IQCM: variants seen among roughly 807,000 people sequenced by gnomAD.
The protein encoded by IQCM is IQ motif containing M.
IQCM carries 45 observed loss-of-function variants against 57.6 expected under a neutral mutation model. The ratio of observed to expected loss-of-function variants is 0.78; its 90% CI spans 0.62 to 1.00. The LOEUF is 1.00. Among genes scored for constraint, IQCM ranks in the 50% least tolerant of loss-of-function variants. IQCM has a pLI of 0.00. For synonymous variants in IQCM, 148 were observed against 158.9 expected, an observed-to-expected ratio of 0.93 and a Z score of 0.51; for missense variants, 468 against 511.6, an observed-to-expected ratio of 0.91 and a Z score of 0.82.
rs1750362264 is a variant in IQCM, at chr4:149,563,820, T to C, written c.820A>G (p.Ile274Val). 1.6e-6 allele frequency: 2 copies of C among 1,231,656 alleles called. No individual in the cohort carries two copies. The highest frequency in any genetic ancestry group is 2.0e-6 in the Non-Finnish European group (2 of 987,674). 76.3% of individuals were successfully genotyped at this position (1,231,656 alleles called of 1,614,324 possible). Residue 274 changes from isoleucine to valine, a missense_variant, in exon 10 of 14, where the codon ATC becomes GTC. Physicochemically the swap from Ile to Val is conservative, Grantham distance 29. Transcript: ENST00000636793. ...TTTCTTTCTCGGAACACTTGGAAGA[T>C]TTCTATGTGTGGTCCAATTCTTTTA... ...KVKRIGPHIEIFQVFRERKKF... is the reference protein window; with the variant it reads ...KVKRIGPHIEVFQVFRERKKF...
chr4:149,396,851 A>G (rs144418118), intron 13 of IQCM, among the ~76,000 whole-genome samples: 8 of 152,124 alleles, frequency 5.3e-5, no homozygotes, highest in African/African-American at 1.4e-4. Flanking sequence ...TCAGCATAAT[A>G]TCTTCAAGGT....
intron 13 of IQCM, among the ~76,000 whole-genome samples, chr4:149,402,498 C>T (rs1446302120): frequency 1.3e-5 from 2 of 151,696 alleles, no homozygotes; most frequent in East Asian, 3.9e-4. Flanking sequence ...AGGCCATGAT[C>T]AATTATTTCT....
chr4:149,526,055 T>G (rs934347097), intron 12 of IQCM, among the ~76,000 whole-genome samples: 4 of 151,878 alleles, frequency 2.6e-5, no homozygotes, highest in Non-Finnish European at 5.9e-5. Flanking sequence ...CATCTACCAT[T>G]GGGAATTTAG....
chr4:149,481,213 AC>A lies in IQCM; in HGVS notation c.1229-47657del, dbSNP rs1204132437. Among the ~76,000 whole-genome samples the A allele has an allele frequency of 2.0e-5, 3 of 151,968 alleles. No individual in the cohort carries two copies. The East Asian group carries it at 5.8e-4, about 29-fold the overall frequency. On this transcript the variant is annotated intron_variant, in intron 12 of 13. Transcript: ENST00000636793. The stretch of plus-strand genomic sequence containing the variant: ...TTCTCCCATTCTGTGGGTTGTTTGC[AC>A]TTTGTTGATTGTTTCCATTGCTGTG...
Position 149,717,936 on chromosome 4 carries a change from G to A in IQCM, c.385+15308C>T, listed in dbSNP as rs138928819. Among the ~76,000 whole-genome samples the A allele has an allele frequency of 3.2e-3, 489 of 152,222 alleles. 10 individuals carry two copies. The highest frequency in any genetic ancestry group is 1.8e-3 in the Non-Finnish European group (124 of 68,012). On this transcript the variant is annotated intron_variant, in intron 5 of 13. Coordinates refer to ENST00000636793, the MANE Select transcript of IQCM (RefSeq NM_001363507.2). The stretch of plus-strand genomic sequence containing the variant: ...AACCTCATGCTATTGGCAAATCCCC[G>A]GTGCCTACAAGTAGTTAGTAACATG...
At chr4:149,408,986 C>A (rs975180711) in intron 13 of IQCM, among the ~76,000 whole-genome samples, 3 of 152,162 alleles carry the variant, frequency 2.0e-5, no homozygotes, top group Non-Finnish European at 4.4e-5. Flanking sequence ...TTACTTTCTG[C>A]AAATACTTCT....
chr4:149,693,074 T>C (rs1354189139), intron 5 of IQCM, among the ~76,000 whole-genome samples: 1 of 152,194 alleles, frequency 6.6e-6, no homozygotes, highest in Non-Finnish European at 1.5e-5. Context: ...ACTTACTATG[T>C]GCTCCTCAGA....
intron 12 of IQCM, among the ~76,000 whole-genome samples, chr4:149,486,776 C>T (rs1307776943): frequency 7.2e-5 from 11 of 152,094 alleles, no homozygotes; most frequent in African/African-American, 2.2e-4. Flanking sequence ...AGCCCAAGAG[C>T]TCTTTCCTCA....
chr4:149,619,004 T>C (rs1393672312), intron 8 of IQCM, among the ~76,000 whole-genome samples: 1 of 151,898 alleles, frequency 6.6e-6, no homozygotes, highest in East Asian at 1.9e-4. Context: ...GAAATCATTG[T>C]ATACACACAT....
At chr4:149,436,271 T>C (rs1735357604) in intron 12 of IQCM, among the ~76,000 whole-genome samples, 1 of 152,162 alleles carries the variant, frequency 6.6e-6, no homozygotes, top group Non-Finnish European at 1.5e-5. Context: ...ATTTTTCATA[T>C]GCTTCAATAT....
At chr4:149,361,956 T>G (rs527673944) in intron 13 of IQCM, among the ~76,000 whole-genome samples, 1 of 152,146 alleles carries the variant, frequency 6.6e-6, no homozygotes, top group African/African-American at 2.4e-5. Flanking sequence ...GGAGGGAGGC[T>G]GTACCCTGTA....
At chr4:149,473,231 A>C (rs1296298561) in intron 12 of IQCM, among the ~76,000 whole-genome samples, 2 of 152,208 alleles carry the variant, frequency 1.3e-5, no homozygotes, top group African/African-American at 2.4e-5. Context: ...CCATCTGACA[A>C]AGGGCTAATA....
At chr4:149,537,603 G>A (rs1177229651) in intron 12 of IQCM, among the ~76,000 whole-genome samples, 2 of 151,802 alleles carry the variant, frequency 1.3e-5, no homozygotes, top group African/African-American at 4.8e-5. Flanking sequence ...AAAAGTCCAA[G>A]AAGTTCAATG....
intron 2 of IQCM, among the ~76,000 whole-genome samples, chr4:149,771,457 C>A (rs1770574962): frequency 1.3e-5 from 2 of 152,056 alleles, no homozygotes; most frequent in South Asian, 4.1e-4. Flanking sequence ...AATTTATTCA[C>A]TTAGATTATG....
intron 13 of IQCM, among the ~76,000 whole-genome samples, chr4:149,410,760 T>C (rs906410079): frequency 4.6e-5 from 7 of 152,158 alleles, no homozygotes; most frequent in African/African-American, 1.4e-4. Flanking sequence ...CTGATGAAGA[T>C]GAAATTTTGT....
At chr4:149,784,117 T>C (rs1771865283) in intron 2 of IQCM, among the ~76,000 whole-genome samples, 1 of 152,206 alleles carries the variant, frequency 6.6e-6, no homozygotes, top group African/African-American at 2.4e-5. Context: ...GATAATGTAT[T>C]ACACAGCAAT....
At position 149,368,321 on chromosome 4, in the gene IQCM, G is replaced by A. The variant is rs147481919; in HGVS notation, c.1391-16255C>T. Among the ~76,000 whole-genome samples, 3 of 152,026 alleles carry A rather than the reference G, an allele frequency of 2.0e-5. No homozygotes were observed. The East Asian group carries it at 5.8e-4, about 29-fold the overall frequency. On this transcript the variant is annotated intron_variant, in intron 13 of 13. Coordinates refer to ENST00000636793, the MANE Select transcript of IQCM (RefSeq NM_001363507.2). ...AATCAACCTTCTTAGAAGTATTGAT[G>A]TTATAAACTATGAGAATAGAATTAT...
At chr4:149,658,985 G>C (rs1759900123) in intron 7 of IQCM, among the ~76,000 whole-genome samples, 1 of 151,510 alleles carries the variant, frequency 6.6e-6, no homozygotes, top group East Asian at 1.9e-4. Context: ...TTGCTTAATT[G>C]CTTGGATGAA....
chr4:149,499,031 A>G (rs1178973369), intron 12 of IQCM, among the ~76,000 whole-genome samples: 1 of 152,210 alleles, frequency 6.6e-6, no homozygotes, highest in Non-Finnish European at 1.5e-5. Context: ...ATTGTTCAAT[A>G]ACTTGTAATT....
Sources: allele counts gnomAD v4.1 joint callset (sites outside exome capture counted in the v4.1 genomes callset), GRCh38; gene constraint gnomAD v4.1.1; transcripts MANE v1.5; gene names NCBI Gene and HGNC (gene_info 2026-07-23, HGNC 2026-07-21).